The following TRIM36 variants were observed in gnomAD, a reference collection of about 807,000 sequenced individuals.
TRIM36 encodes tripartite motif containing 36.
In TRIM36, 42 loss-of-function variants were observed where a neutral mutation model predicts 72.4. The observed-to-expected ratio is 0.58, with a 90% CI of 0.45 to 0.75. The LOEUF (loss-of-function observed/expected upper bound fraction) is 0.75. Among genes scored for constraint, TRIM36 ranks in the 30% least tolerant of loss-of-function variants. The pLI, the probability that TRIM36 is intolerant of heterozygous loss-of-function variation, is 0.00. For synonymous variants in TRIM36, 315 were observed against 282.8 expected, an observed-to-expected ratio of 1.11 and a Z score of -1.14; for missense variants, 913 against 857.1, an observed-to-expected ratio of 1.07 and a Z score of -0.81.
At chr5:115,130,266 A>T (rs1336623299) in intron 9 of TRIM36, among the ~76,000 whole-genome samples, 1 of 152,260 alleles carries the variant, frequency 6.6e-6, no homozygotes, top group Non-Finnish European at 1.5e-5. Context: ...GAAGTATGAC[A>T]ATCAGACGCA....
chr5:115,154,188 T>TTACA (rs757084840), intron 2 of TRIM36, among the ~76,000 whole-genome samples: 28 of 151,892 alleles, frequency 1.8e-4, no homozygotes, highest in African/African-American at 5.6e-4. Flanking sequence ...GCAAAGGCAG[T>TTACA]GCTAAGACGA....
intron 1 of TRIM36, 141 bp from the exon 2 acceptor site, chr5:115,163,893 C>G: frequency 1.2e-6 from 1 of 815,210 alleles, no homozygotes; most frequent in Non-Finnish European, 1.9e-6. Flanking sequence ...TTTCTTTTCC[C>G]CAATAAAATT....
chr5:115,172,396 A>G (rs79265513), upstream of TRIM36, among the ~76,000 whole-genome samples: 12,153 of 152,212 alleles, frequency 0.08, 1,338 homozygotes, highest in African/African-American at 0.25. Flanking sequence ...CATTCATACC[A>G]TGGAATACTA....
chr5:115,134,110 T>C lies in TRIM36; in HGVS notation c.1248A>G (p.Lys416=), dbSNP rs1221798554. ...AATTTATCAAGGCATTGTTATAAAC[T>C]TTGCTCTGTTCCTCATTGATCTCTG... ...DVPEINEEQS[K]VYNNALINWH... Residue 416 remains lysine, a synonymous_variant, in exon 8 of 10, where the codon AAA becomes AAG. Transcript: ENST00000513154. The C allele has an allele frequency of 5.0e-6, 8 of 1,610,752 alleles. No homozygotes were observed. The highest frequency in any genetic ancestry group is 6.8e-6 in the Non-Finnish European group (8 of 1,178,570).
Position 115,137,021 on chromosome 5 carries a change from C to A in TRIM36, c.1189G>T (p.Glu397Ter). 1 of 1,603,520 alleles carries A rather than the reference C, an allele frequency of 6.2e-7. No homozygotes were observed. The highest frequency in any genetic ancestry group is 1.3e-5 in the African/African-American group (1 of 74,580). ...TTACCACTAGAGAAAAAGGATAATT[C>A]TCCAAGAAGTTCTGTTTGTTTAGAG... Reference protein sequence around the residue: ...NTSKQTELLGELSFFSSGIDV... With the variant: ...NTSKQTELLG The change falls in exon 7 of 10, where the codon GAA (glutamate) becomes TAA (stop). Residue 397 changes from glutamate to a stop codon, truncating the protein, a stop_gained. Transcript: ENST00000513154. LOFTEE classifies it high-confidence loss of function.
chr5:115,169,355 G>A (rs1193490138), intron 1 of TRIM36, among the ~76,000 whole-genome samples: 1 of 152,224 alleles, frequency 6.6e-6, no homozygotes, highest in Admixed American at 6.5e-5. Flanking sequence ...TGCTCAGGTG[G>A]GCAACCATCG....
At chr5:115,126,925 G>T in intron 9 of TRIM36, 68 bp from the exon 10 acceptor site, 1 of 1,416,608 alleles carries the variant, frequency 7.1e-7, no homozygotes, top group Non-Finnish European at 9.6e-7. Context: ...CATTTTCACA[G>T]GATAATATAC....
chr5:115,129,567 A>T (rs997863453), intron 9 of TRIM36, among the ~76,000 whole-genome samples: 1 of 152,212 alleles, frequency 6.6e-6, no homozygotes, highest in Admixed American at 6.5e-5. Flanking sequence ...TCAAAAAAGA[A>T]AAGAAAATAC....
At chr5:115,127,768 A>G (rs1222212112) in intron 9 of TRIM36, among the ~76,000 whole-genome samples, 1 of 152,196 alleles carries the variant, frequency 6.6e-6, no homozygotes, top group Non-Finnish European at 1.5e-5. Flanking sequence ...TTATTATGCA[A>G]TGCTTTTATT....
chr5:115,152,934 A>T (rs1383922409), intron 2 of TRIM36, among the ~76,000 whole-genome samples: 1 of 152,178 alleles, frequency 6.6e-6, no homozygotes, highest in African/African-American at 2.4e-5. Context: ...AACACACAGG[A>T]CCTATAAAAC....
intron 1 of TRIM36, among the ~76,000 whole-genome samples, chr5:115,166,594 A>C (rs1011456335): frequency 6.6e-6 from 1 of 152,206 alleles, no homozygotes; most frequent in Non-Finnish European, 1.5e-5. Context: ...TGGACACAGT[A>C]CAGGAACTCT....
At position 115,137,633 on chromosome 5, in the gene TRIM36, T is replaced by C. The variant is rs1319403310; in HGVS notation, c.832-17A>G. 1 of 1,567,194 alleles carries C rather than the reference T, an allele frequency of 6.4e-7. No homozygotes were observed. Among genetic ancestry groups the C allele is most frequent in the East Asian group, 2.2e-5 (1 of 44,630 alleles). On this transcript the variant is annotated splice_polypyrimidine_tract_variant and intron_variant, in intron 5 of 9. Transcript: ENST00000513154. ...TCCATTACACTAAGAAAAAACAGTA[T>C]CTCCATTACACTAAGATAAAACAAA...
intron 8 of TRIM36, 133 bp downstream of exon 8, chr5:115,133,727 C>A (rs1338207550): frequency 1.2e-5 from 10 of 837,232 alleles, no homozygotes; most frequent in Non-Finnish European, 1.7e-5. Flanking sequence ...GGGATAGAAG[C>A]TACTTTTCTG....
intron 4 of TRIM36, 98 bp from the exon 5 acceptor site, chr5:115,141,472 C>A: frequency 3.3e-6 from 2 of 612,566 alleles, no homozygotes; most frequent in Non-Finnish European, 5.4e-6. Context: ...TCCTCTTCTA[C>A]AGCCTCTGAT....
At chr5:115,146,090 A>C (rs1753579120) in intron 3 of TRIM36, among the ~76,000 whole-genome samples, 1 of 152,178 alleles carries the variant, frequency 6.6e-6, no homozygotes, top group South Asian at 2.1e-4. Context: ...TGAAGTCACA[A>C]ATTTTTAAAA....
At chr5:115,133,830 T>C (rs199544851) in intron 8 of TRIM36, 30 bp downstream of exon 8, 45 of 1,542,832 alleles carry the variant, frequency 2.9e-5, no homozygotes, top group Non-Finnish European at 6.1e-6. Context: ...ACTAACTCTA[T>C]GCTTTTTTTA....
chr5:115,168,281 G>A (rs1461729820), intron 1 of TRIM36, among the ~76,000 whole-genome samples: 4 of 152,102 alleles, frequency 2.6e-5, no homozygotes, highest in Admixed American at 6.5e-5. Context: ...AAGCATTTTA[G>A]ACTCATCACA....
chr5:115,130,469 C>A (rs1752615469), intron 9 of TRIM36, 123 bp downstream of exon 9: 1 of 1,135,760 alleles, frequency 8.8e-7, no homozygotes, highest in Admixed American at 2.9e-5. Context: ...CTCAATCAAG[C>A]CACAGCCAAA....
chr5:115,159,981 CT>C, intron 2 of TRIM36, among the ~76,000 whole-genome samples: 1 of 150,738 alleles, frequency 6.6e-6, no homozygotes, highest in East Asian at 1.9e-4. Flanking sequence ...AATCAAACAT[CT>C]TTTGTTTGAC....
Sources: gnomAD v4.1 joint callset for allele counts (sites outside exome capture counted in the v4.1 genomes callset) on GRCh38, gnomAD v4.1.1 for gene constraint, MANE v1.5 for transcripts, NCBI Gene and HGNC (gene_info 2026-07-23, HGNC 2026-07-21) for gene names.